Variants in SEMA5A observed in about 807,000 individuals in gnomAD.
SEMA5A encodes the protein semaphorin-5A.
A neutral mutation model predicts 135.5 loss-of-function variants in SEMA5A; 55 were observed. The observed-to-expected ratio is 0.41, with a 90% confidence interval of 0.33 to 0.51. The LOEUF (loss-of-function observed/expected upper bound fraction) is 0.51, where lower values mean the gene tolerates loss of function less well. Ranked by LOEUF, SEMA5A falls within the 20% of genes least tolerant of loss-of-function variation. SEMA5A has a pLI of 0.37. For synonymous variants in SEMA5A, 580 were observed against 546.5 expected (o/e 1.06, Z -0.85); for missense variants, 1,290 against 1,419.9 (o/e 0.91, Z 1.47).
intron 12 of SEMA5A, among the ~76,000 whole-genome samples, chr5:9,137,490 G>A (rs933148582): frequency 4.6e-5 from 7 of 152,184 alleles, no homozygotes; most frequent in Admixed American, 3.3e-4. Flanking sequence ...GGAGATGATA[G>A]CGATGGAGCC....
intron 5 of SEMA5A, among the ~76,000 whole-genome samples, chr5:9,308,277 C>G (rs1367555866): frequency 3.3e-5 from 5 of 152,148 alleles, no homozygotes; most frequent in African/African-American, 9.7e-5. Flanking sequence ...GAGAATTGCT[C>G]CTGGTTAATG....
rs564839916 is a variant in SEMA5A at position 9,337,867 on chromosome 5, G to A, written c.125-55C>T. On this transcript the variant is annotated intron_variant, in intron 3 of 22. Transcript: ENST00000382496. ...ATAAAAATGAATTATTTTTCCTCTG[G>A]GGACCACAGATAGTGCACATCAGGT... 3 of 1,265,432 alleles carry A rather than the reference G, an allele frequency of 2.4e-6. No homozygotes were observed. In the South Asian group the frequency reaches 4.0e-5, roughly 17 times the overall value. The allele number at this position is 1,265,432 out of a possible 1,614,324, so 78.4% of individuals were successfully genotyped here. A position where few individuals can be genotyped will look rare whatever the true frequency, so the allele number is the denominator to read the frequency against.
chr5:9,049,187 A>G (rs1404532618), intron 21 of SEMA5A, among the ~76,000 whole-genome samples: 19 of 149,618 alleles, frequency 1.3e-4, no homozygotes, highest in Non-Finnish European at 1.5e-5. Flanking sequence ...TTTGATGCAG[A>G]GTCTCATTCT....
chr5:9,135,053 T>C (rs1233245066), intron 13 of SEMA5A, among the ~76,000 whole-genome samples: 1 of 152,196 alleles, frequency 6.6e-6, no homozygotes, highest in African/African-American at 2.4e-5. Context: ...AGCCTAGATG[T>C]GGTGATGCAC....
At chr5:9,310,521 A>G (rs903905496) in intron 5 of SEMA5A, among the ~76,000 whole-genome samples, 6 of 152,060 alleles carry the variant, frequency 3.9e-5, no homozygotes, top group African/African-American at 1.2e-4. Context: ...TCCTTGCCCA[A>G]TAAATATAAA....
chr5:9,209,046 T>C (rs933593255), intron 8 of SEMA5A, among the ~76,000 whole-genome samples: 12 of 152,292 alleles, frequency 7.9e-5, no homozygotes, highest in African/African-American at 2.9e-4. Context: ...ACTACTTTCA[T>C]GAATTTGCTG....
intron 1 of SEMA5A, among the ~76,000 whole-genome samples, chr5:9,457,104 AG>A (rs749256584): frequency 6.6e-6 from 1 of 152,228 alleles, no homozygotes; most frequent in Non-Finnish European, 1.5e-5. Context: ...TTAGGAAAAT[AG>A]CTAGTCTCCC....
chr5:9,085,165 T>C lies in SEMA5A; in HGVS notation c.2074-18519A>G, dbSNP rs1738609761. 1.3e-5 allele frequency among the ~76,000 whole-genome samples: 2 copies of C among 152,150 alleles called. 1 individual carries two copies. The highest frequency in any genetic ancestry group is 4.8e-5 in the African/African-American group (2 of 41,432). On this transcript the variant is annotated intron_variant, in intron 16 of 22. Coordinates refer to ENST00000382496, the MANE Select transcript of SEMA5A (RefSeq NM_003966.3). ...TCCGTTTTATAAGGGAGGCAGAACA[T>C]AAAAGTTTGGAAAATTTGCAGCTTG...
At chr5:9,293,017 C>A (rs140345387) in intron 5 of SEMA5A, among the ~76,000 whole-genome samples, 44 of 152,320 alleles carry the variant, frequency 2.9e-4, no homozygotes, top group African/African-American at 8.7e-4. Context: ...GTTTCTTCTG[C>A]CCTGATCATC....
intron 22 of SEMA5A, 182 bp from the exon 23 acceptor site, chr5:9,043,198 C>T (rs2150024455): frequency 1.8e-6 from 1 of 558,056 alleles, no homozygotes; most frequent in Non-Finnish European, 3.0e-6. Flanking sequence ...TGCCTAATTA[C>T]CAGAATAAGG....
intron 1 of SEMA5A, among the ~76,000 whole-genome samples, chr5:9,453,949 A>G (rs1277396827): frequency 6.6e-6 from 1 of 152,168 alleles, no homozygotes; most frequent in Non-Finnish European, 1.5e-5. Context: ...AGCTCCACAG[A>G]GGGAGATCCA....
chr5:9,059,552 A>G (rs535643870), intron 18 of SEMA5A, among the ~76,000 whole-genome samples: 2 of 152,112 alleles, frequency 1.3e-5, no homozygotes, highest in South Asian at 4.1e-4. Flanking sequence ...TCTCTGGTTT[A>G]TTTTATTTTT....
intron 16 of SEMA5A, among the ~76,000 whole-genome samples, chr5:9,104,973 G>C (rs1453644805): frequency 2.6e-5 from 4 of 152,232 alleles, no homozygotes; most frequent in East Asian, 1.9e-4. Context: ...CCAGGGTCCA[G>C]AGAAGGAATG....
At chr5:9,416,636 C>T (rs1757292965) in intron 2 of SEMA5A, among the ~76,000 whole-genome samples, 1 of 152,186 alleles carries the variant, frequency 6.6e-6, no homozygotes, top group South Asian at 2.1e-4. Context: ...AGATTTATGG[C>T]TACATAAATA....
chr5:9,441,112 C>T (rs535837275), intron 1 of SEMA5A, among the ~76,000 whole-genome samples: 1 of 152,342 alleles, frequency 6.6e-6, no homozygotes, highest in East Asian at 1.9e-4. Flanking sequence ...ATGCACAGCA[C>T]AGCCCCATGG....
intron 1 of SEMA5A, among the ~76,000 whole-genome samples, chr5:9,497,472 G>A (rs1735360936): frequency 6.6e-6 from 1 of 152,142 alleles, no homozygotes. Context: ...TTGTTTTCCA[G>A]GACATCTCAA....
chr5:9,237,788 A>G (rs1282696516), intron 6 of SEMA5A, 40 bp downstream of exon 6: 3 of 1,593,956 alleles, frequency 1.9e-6, no homozygotes, highest in Admixed American at 3.3e-5. Flanking sequence ...AGAGTCCTTC[A>G]AGACAGGGTG....
intron 8 of SEMA5A, among the ~76,000 whole-genome samples, chr5:9,223,122 G>T (rs1023300981): frequency 6.6e-6 from 1 of 152,178 alleles, no homozygotes; most frequent in African/African-American, 2.4e-5. Flanking sequence ...CAACTGATTC[G>T]GTTGAAGTCA....
intron 5 of SEMA5A, among the ~76,000 whole-genome samples, chr5:9,280,573 G>C (rs866857772): frequency 4.6e-5 from 7 of 152,220 alleles, no homozygotes; most frequent in African/African-American, 1.4e-4. Flanking sequence ...TTATATCAAG[G>C]ATGACAATCT....
Sources: allele counts gnomAD v4.1 joint callset (sites outside exome capture counted in the v4.1 genomes callset), GRCh38; gene constraint gnomAD v4.1.1; transcripts MANE v1.5; gene names NCBI Gene and HGNC (gene_info 2026-07-23, HGNC 2026-07-21).